The following PCDHGA5 variants were observed in gnomAD, a reference collection of about 807,000 sequenced individuals.
The protein encoded by PCDHGA5 is protocadherin gamma-A5.
Under a neutral mutation model 56.7 loss-of-function variants are expected in PCDHGA5, and 36 were observed. The ratio of observed to expected loss-of-function variants is 0.64; its 90% confidence interval spans 0.49 to 0.84. The LOEUF (loss-of-function observed/expected upper bound fraction) is 0.84, where lower values mean the gene tolerates loss of function less well. Among genes scored for constraint, PCDHGA5 ranks in the 40% least tolerant of loss-of-function variants. The pLI is 0.00. For missense variants in PCDHGA5, 1,305 were observed against 1,201.5 expected, an observed-to-expected ratio of 1.09 and a Z score of -1.27; for synonymous variants, 563 against 520.2, an observed-to-expected ratio of 1.08 and a Z score of -1.12.
At chr5:141,499,548 A>G (rs1312910986) in intron 2 of PCDHGA5, among the ~76,000 whole-genome samples, 3 of 152,226 alleles carry the variant, frequency 2.0e-5, no homozygotes, top group African/African-American at 7.2e-5. Flanking sequence ...ATGAACCTGT[A>G]TGATACCACT....
chr5:141,482,205 C>A (rs1478729653), intron 1 of PCDHGA5, among the ~76,000 whole-genome samples: 1 of 151,896 alleles, frequency 6.6e-6, no homozygotes, highest in Non-Finnish European at 1.5e-5. Context: ...TAAAACAGAC[C>A]AGGTACTTGT....
intron 1 of PCDHGA5, among the ~76,000 whole-genome samples, chr5:141,469,716 A>G (rs1189597018): frequency 3.9e-5 from 6 of 152,260 alleles, no homozygotes; most frequent in African/African-American, 1.4e-4. Context: ...CACTATTAGG[A>G]ATTTATCATA....
chr5:141,497,312 G>A (rs940721317), intron 2 of PCDHGA5, among the ~76,000 whole-genome samples: 7 of 152,038 alleles, frequency 4.6e-5, no homozygotes, highest in African/African-American at 1.7e-4. Flanking sequence ...CCATACACTG[G>A]CTTTGAAGCA....
In PCDHGA5 at chr5:141,491,492, T is replaced by G. The variant is rs763487622; in HGVS notation, c.2422-3315T>G. On this transcript the variant is annotated intron_variant, in intron 1 of 3. Coordinates refer to ENST00000518069, the MANE Select transcript of PCDHGA5 (RefSeq NM_018918.3). This position sits in a 1 kb window ranked among gnomAD's most constrained non-coding sequence, Gnocchi z 6.9. ...AAGCAGTCCAGCCCCAACCTGCAGG[T>G]GAGCTCGGACGGCACGCTCAAGTAC... 3.1e-6 allele frequency: 5 copies of G among 1,614,024 alleles called. No homozygotes were observed. The highest frequency in any genetic ancestry group is 3.4e-6 in the Non-Finnish European group (4 of 1,180,006).
intron 1 of PCDHGA5, chr5:141,391,639 A>G (rs1166696968): frequency 6.6e-6 from 1 of 152,354 alleles, no homozygotes; most frequent in East Asian, 1.9e-4. Context: ...TAGTCAGTGA[A>G]AAAACTATCA....
rs756146067 is a variant in PCDHGA5, at chr5:141,477,534, G to C, written c.2422-17273G>C. On this transcript the variant is annotated intron_variant, in intron 1 of 3. Transcript: ENST00000518069. This position sits in a 1 kb window ranked among gnomAD's most constrained non-coding sequence, Gnocchi z 4.9. ...TACATTGAAGAAAACAACCTCCCCG[G>C]GGCTCCAATACTAAACCTAAGTGTC... 1.9e-6 allele frequency: 3 copies of C among 1,614,008 alleles called. No homozygotes were observed. Among genetic ancestry groups the C allele is most frequent in the East Asian group, 4.5e-5 (2 of 44,870 alleles).
chr5:141,433,232 C>T (rs1344380820), intron 1 of PCDHGA5: 1 of 1,516,488 alleles, frequency 6.6e-7, no homozygotes, highest in Admixed American at 1.9e-5. Flanking sequence ...ATTGCTCTGT[C>T]TCCCAAGCTG....
At chr5:141,464,931 G>T (rs2099093694) in intron 1 of PCDHGA5, among the ~76,000 whole-genome samples, 1 of 151,942 alleles carries the variant, frequency 6.6e-6, no homozygotes, top group Non-Finnish European at 1.5e-5. Context: ...GTAGAGATGT[G>T]AGGTCTCACT....
chr5:141,478,164 C>T, intron 1 of PCDHGA5: 1 of 1,614,010 alleles, frequency 6.2e-7, no homozygotes, highest in Non-Finnish European at 8.5e-7. Context: ...GGCTCTGCCC[C>T]CCGGGAGCAG....
rs11575954 is a variant in PCDHGA5 at position 141,376,006 on chromosome 5, C to T, written c.2421+9255C>T. The T allele has an allele frequency of 4.7e-3, 7,621 of 1,612,710 alleles. 42 individuals are homozygous for T. Among genetic ancestry groups the T allele is most frequent in the Admixed American group, 8.7e-3 (524 of 59,936 alleles). On this transcript the variant is annotated intron_variant, in intron 1 of 3. Transcript: ENST00000518069. ...TGGACAGAGACGCGCTCAAGCAGAG[C>T]CTAGTGGTGGCCGTCCAGGACCACG...
At chr5:141,393,619 C>G (rs768350628) in intron 1 of PCDHGA5, 2 of 1,613,826 alleles carry the variant, frequency 1.2e-6, no homozygotes, top group Non-Finnish European at 1.7e-6. Flanking sequence ...GCCAGCGACC[C>G]GGATGAGGGA....
chr5:141,475,950 C>A, intron 1 of PCDHGA5: 1 of 761,530 alleles, frequency 1.3e-6, no homozygotes, highest in African/African-American at 1.7e-5. Flanking sequence ...CCCCTTTCTG[C>A]GCCCCGGGAT....
At chr5:141,473,033 G>GGAAA (rs1282468299) in intron 1 of PCDHGA5, among the ~76,000 whole-genome samples, 1 of 146,284 alleles carries the variant, frequency 6.8e-6, no homozygotes, top group African/African-American at 2.5e-5. Flanking sequence ...AAGGAAGGAA[G>GGAAA]GAAAGAAAGA....
rs532907359 is a variant in PCDHGA5, at chr5:141,500,353, C to T, written c.2481-5040C>T. 1.9e-4 allele frequency among the ~76,000 whole-genome samples: 29 copies of T among 152,052 alleles called. No homozygotes were observed. The East Asian group carries it at 5.2e-3, about 27-fold the overall frequency. The stretch of plus-strand genomic sequence containing the variant: ...CCTCCAGAATAGCTGGGACTACAGG[C>T]GCCCACTACCACGCCCGGCTAATTA... On this transcript the variant is annotated intron_variant, in intron 2 of 3. Transcript: ENST00000518069.
Position 141,491,722 on chromosome 5 carries a change from C to G in PCDHGA5, c.2422-3085C>G, listed in dbSNP as rs1276921909. ...CCAGGTGAGGGGCTCGGCGCCGCCC[C>G]GGGCGACCCCTGGGGGCGGCACTGG... On this transcript the variant is annotated intron_variant, in intron 1 of 3. Transcript: ENST00000518069. This position sits in a 1 kb window ranked among gnomAD's most constrained non-coding sequence, Gnocchi z 6.9. 2 of 1,607,004 alleles carry G rather than the reference C, an allele frequency of 1.2e-6. No homozygotes were observed. The highest frequency in any genetic ancestry group is 1.7e-5 in the Admixed American group (1 of 58,788).
chr5:141,494,400 C>A (rs2099754045), intron 1 of PCDHGA5, among the ~76,000 whole-genome samples: 1 of 152,158 alleles, frequency 6.6e-6, no homozygotes, highest in African/African-American at 2.4e-5. Flanking sequence ...TAAATTCATT[C>A]TAGGGCTGGT....
At position 141,366,387 on chromosome 5, in the gene PCDHGA5, A is replaced by T; in HGVS notation, c.2057A>T (p.Asp686Val). 1 of 1,614,088 alleles carries T rather than the reference A, an allele frequency of 6.2e-7. No homozygotes were observed. Residue 686 changes from aspartate to valine, a missense_variant, in exon 1 of 4, where the codon GAT (aspartate) becomes GTT (valine). Physicochemically the swap from Asp to Val is radical, Grantham distance 152. Transcript: ENST00000518069. ...GSIKTPIDPEDLDLTLYLVVA... is the reference protein window; with the variant it reads ...GSIKTPIDPEVLDLTLYLVVA... ...ATCAAGACCCCCATTGACCCTGAGG[A>T]TCTGGACCTCACACTCTATCTTGTG...
chr5:141,473,079 A>G (rs1389177835), intron 1 of PCDHGA5, among the ~76,000 whole-genome samples: 2 of 152,086 alleles, frequency 1.3e-5, no homozygotes, highest in African/African-American at 4.8e-5. Flanking sequence ...ATCTTTGTTT[A>G]TTATCCACTG....
At chr5:141,384,192 C>G in intron 1 of PCDHGA5, 1 of 1,613,866 alleles carries the variant, frequency 6.2e-7, no homozygotes. Flanking sequence ...GAACTCCTCC[C>G]TTGTCCAGGG....
Sources: allele counts gnomAD v4.1 joint callset (sites outside exome capture counted in the v4.1 genomes callset), GRCh38; gene constraint gnomAD v4.1.1; non-coding constraint Gnocchi (gnomAD v3.1); transcripts MANE v1.5; gene names NCBI Gene and HGNC (gene_info 2026-07-23, HGNC 2026-07-21).